Variants in LDLRAD4 observed in about 807,000 individuals in gnomAD.
LDLRAD4 encodes low density lipoprotein receptor class A domain containing 4.
Under a neutral mutation model 17.0 loss-of-function variants are expected in LDLRAD4, and 5 were observed. That is an observed-to-expected ratio of 0.29 (90% CI 0.15 to 0.62). The LOEUF (loss-of-function observed/expected upper bound fraction) is 0.62. Among genes scored for constraint, LDLRAD4 ranks in the 20% least tolerant of loss-of-function variants. The probability of loss-of-function intolerance (pLI) is 0.84; values close to 1 mark genes in which losing one functional copy is unlikely to be tolerated. For missense variants in LDLRAD4, 340 were observed against 424.7 expected (o/e 0.80, Z 1.75); for synonymous variants, 168 against 171.8 (o/e 0.98, Z 0.17).
chr18:13,537,242 G>A (rs548099904), intron 3 of LDLRAD4, among the ~76,000 whole-genome samples: 3 of 152,226 alleles, frequency 2.0e-5, no homozygotes, highest in Non-Finnish European at 2.9e-5. Flanking sequence ...TACAGAAGGG[G>A]GTAGGTGTAC....
At chr18:13,525,367 A>T (rs1348181774) in intron 3 of LDLRAD4, among the ~76,000 whole-genome samples, 2 of 152,168 alleles carry the variant, frequency 1.3e-5, no homozygotes, top group East Asian at 1.9e-4. Flanking sequence ...CCATTCTGCA[A>T]ATCTCACATT....
intron 3 of LDLRAD4, among the ~76,000 whole-genome samples, chr18:13,450,217 C>T (rs112761301): frequency 0.023 from 3,546 of 152,100 alleles, 58 homozygotes; most frequent in Non-Finnish European, 0.032. Flanking sequence ...TCTAGATCAG[C>T]GGCTGCTGCC....
At chr18:13,364,965 G>C (rs540532890) in intron 1 of LDLRAD4, among the ~76,000 whole-genome samples, 1 of 152,286 alleles carries the variant, frequency 6.6e-6, no homozygotes, top group Non-Finnish European at 1.5e-5. Flanking sequence ...GGCTAGTTAG[G>C]GAGACAAGAC....
chr18:13,638,688 G>A (rs915669092), intron 4 of LDLRAD4, among the ~76,000 whole-genome samples: 7 of 152,154 alleles, frequency 4.6e-5, no homozygotes, highest in Non-Finnish European at 5.9e-5. Context: ...TGAGAGTAAC[G>A]TAACTTAAAA....
chr18:13,541,612 A>G (rs1325775526), intron 3 of LDLRAD4, among the ~76,000 whole-genome samples: 3 of 152,172 alleles, frequency 2.0e-5, no homozygotes, highest in African/African-American at 7.2e-5. Flanking sequence ...GCACGTTTCT[A>G]CTAATAATTA....
intron 2 of LDLRAD4, among the ~76,000 whole-genome samples, chr18:13,418,635 A>AC (rs1349180848): frequency 6.6e-6 from 1 of 152,158 alleles, no homozygotes; most frequent in Non-Finnish European, 1.5e-5. Flanking sequence ...TGACACATAA[A>AC]CCATTTTTGG....
intron 1 of LDLRAD4, among the ~76,000 whole-genome samples, chr18:13,293,732 G>A (rs192598187): frequency 1.3e-5 from 2 of 152,204 alleles, no homozygotes; most frequent in African/African-American, 2.4e-5. Context: ...CCGTGTTTCC[G>A]CATTGCATGT....
intron 5 of LDLRAD4, among the ~76,000 whole-genome samples, chr18:13,644,162 G>A (rs1280293707): frequency 6.6e-6 from 1 of 152,054 alleles, no homozygotes; most frequent in Non-Finnish European, 1.5e-5. Context: ...GTCATTTTGG[G>A]GGGAATTTGT....
chr18:13,501,670 C>T (rs1317557831), intron 3 of LDLRAD4, among the ~76,000 whole-genome samples: 1 of 151,724 alleles, frequency 6.6e-6, no homozygotes, highest in Non-Finnish European at 1.5e-5. Context: ...CCATAGAAAC[C>T]CAAGGGGTCC....
At chr18:13,520,012 G>A (rs1042264800) in intron 3 of LDLRAD4, 2 of 152,182 alleles carry the variant, frequency 1.3e-5, no homozygotes, top group African/African-American at 4.8e-5. Flanking sequence ...GTGCATTTAG[G>A]TAATGAATAC....
At chr18:13,268,567 C>T (rs927499021) in intron 1 of LDLRAD4, among the ~76,000 whole-genome samples, 1 of 152,194 alleles carries the variant, frequency 6.6e-6, no homozygotes, top group Non-Finnish European at 1.5e-5. Flanking sequence ...CCCCTCTTGG[C>T]GTCCCTTTCT....
intron 3 of LDLRAD4, chr18:13,515,769 G>A (rs2093855756): frequency 1.3e-5 from 2 of 151,924 alleles, no homozygotes; most frequent in African/African-American, 4.8e-5. Flanking sequence ...GCATTTTATG[G>A]GGAATTTCTT....
chr18:13,365,228 A>G (rs1437944349), intron 1 of LDLRAD4, among the ~76,000 whole-genome samples: 2 of 152,178 alleles, frequency 1.3e-5, no homozygotes, highest in African/African-American at 4.8e-5. Context: ...TCCAGCATTA[A>G]TCTTTTGCTT....
upstream of LDLRAD4, chr18:13,217,963 G>GCGCTCCC (rs1392043803): frequency 6.7e-5 from 10 of 148,782 alleles, no homozygotes; most frequent in Admixed American, 6.7e-4. This position sits in a 1 kb window ranked among gnomAD's most constrained non-coding sequence, Gnocchi z 4.9. Flanking sequence ...CCGGCGCGCC[G>GCGCTCCC]CGCTCCCCGC....
intron 3 of LDLRAD4, among the ~76,000 whole-genome samples, chr18:13,469,406 A>G (rs2092708826): frequency 6.6e-6 from 1 of 152,234 alleles, no homozygotes; most frequent in South Asian, 2.1e-4. Context: ...ATAATTGAAA[A>G]CAAGGACCGG....
chr18:13,615,658 T>C (rs1426675784), intron 3 of LDLRAD4: 2 of 152,274 alleles, frequency 1.3e-5, no homozygotes, highest in Admixed American at 1.3e-4. Context: ...ATCATCACTG[T>C]CGTCACTGTC....
At chr18:13,227,580 A>G (rs1239772183) in intron 1 of LDLRAD4, among the ~76,000 whole-genome samples, 2 of 152,188 alleles carry the variant, frequency 1.3e-5, no homozygotes, top group East Asian at 1.9e-4. Flanking sequence ...TCATGCTGCT[A>G]TGAAGAAATA....
At chr18:13,497,190 T>C (rs553532849) in intron 3 of LDLRAD4, among the ~76,000 whole-genome samples, 4 of 152,212 alleles carry the variant, frequency 2.6e-5, no homozygotes, top group Admixed American at 1.3e-4. Flanking sequence ...AGGGTTCTTT[T>C]TATTTTTTAG....
At chr18:13,272,148 C>G (rs1449518894) in intron 1 of LDLRAD4, among the ~76,000 whole-genome samples, 1 of 152,214 alleles carries the variant, frequency 6.6e-6, no homozygotes, top group Non-Finnish European at 1.5e-5. Context: ...CCCGCCTCAG[C>G]CTCCCAAAGT....
Sources: gnomAD v4.1 joint callset for allele counts (sites outside exome capture counted in the v4.1 genomes callset) on GRCh38, gnomAD v4.1.1 for gene constraint, Gnocchi (gnomAD v3.1) non-coding constraint, MANE v1.5 for transcripts, NCBI Gene and HGNC (gene_info 2026-07-23, HGNC 2026-07-21) for gene names.